The following RNF125 variants were observed in gnomAD, a reference collection of about 807,000 sequenced individuals.
RNF125 encodes the protein E3 ubiquitin-protein ligase RNF125.
A neutral mutation model predicts 26.0 loss-of-function variants in RNF125; 21 were observed. The observed-to-expected ratio is 0.81, with a 90% CI of 0.57 to 1.16. The LOEUF (loss-of-function observed/expected upper bound fraction) is 1.16, where lower values mean the gene tolerates loss of function less well. Ranked by LOEUF, RNF125 falls within the 50% of genes most tolerant of loss-of-function variation. The pLI is 0.00. For missense variants in RNF125, 270 were observed against 299.4 expected (o/e 0.90, Z 0.72); for synonymous variants, 95 against 109.2 (o/e 0.87, Z 0.81).
Position 32,055,457 on chromosome 18 carries a change from C to T in RNF125, c.504+9725C>T, listed in dbSNP as rs2039371373. 2.0e-5 allele frequency among the ~76,000 whole-genome samples: 3 copies of T among 152,242 alleles called. No homozygotes were observed. The South Asian group carries it at 6.2e-4, about 32-fold the overall frequency. ...GAGGTTTAATTGACTCACAGTTGCA[C>T]ATGGCTGGGGTGGCCTCAGGAATTA... On this transcript the variant is annotated intron_variant, in intron 4 of 5. Transcript: ENST00000217740.
At position 32,019,093 on chromosome 18, in the gene RNF125, A is replaced by G. The variant is rs1598804214; in HGVS notation, c.164+66A>G. ...AGGGCGATGTGGGGAAGCTGAGGGC[A>G]TGGTGTGGGGAAGGAGGGGGACGGA... On this transcript the variant is annotated intron_variant, in intron 1 of 5. Coordinates refer to ENST00000217740, the MANE Select transcript of RNF125 (RefSeq NM_017831.4). 16 of 1,571,438 alleles carry G rather than the reference A, an allele frequency of 1.0e-5. No homozygotes were observed. The East Asian group carries it at 2.3e-4, about 23-fold the overall frequency.
At chr18:32,025,047 G>C (rs538019164) in intron 1 of RNF125, among the ~76,000 whole-genome samples, 3 of 151,960 alleles carry the variant, frequency 2.0e-5, no homozygotes, top group African/African-American at 7.3e-5. Context: ...CTGGGTGACA[G>C]ATTGAGAGTC....
intron 4 of RNF125, 37 bp from the exon 5 acceptor site, chr18:32,065,865 A>C (rs1427199302): frequency 1.1e-5 from 16 of 1,415,388 alleles, no homozygotes; most frequent in Non-Finnish European, 1.4e-5. Context: ...AACGATTTTA[A>C]ATTCTTTCTT....
chr18:32,052,111 T>C (rs1462087215), intron 4 of RNF125, among the ~76,000 whole-genome samples: 1 of 152,166 alleles, frequency 6.6e-6, no homozygotes, highest in Non-Finnish European at 1.5e-5. Context: ...GCAGTTAATT[T>C]CCGTGAGTAC....
Position 32,069,702 on chromosome 18 carries a change from CTA to C in RNF125, c.*1322_*1323del, listed in dbSNP as rs1464965844. 3.3e-5 allele frequency: 5 copies of C among 152,106 alleles called. No individual in the cohort carries two copies. The highest frequency in any genetic ancestry group is 1.2e-4 in the African/African-American group (5 of 41,430). The allele number at this position is 152,106 out of a possible 1,614,324, so 9.4% of individuals were successfully genotyped here. A position where few individuals can be genotyped will look rare whatever the true frequency, so the allele number is the denominator to read the frequency against. On this transcript the variant is annotated 3_prime_UTR_variant, in exon 6 of 6. Coordinates refer to ENST00000217740, the MANE Select transcript of RNF125 (RefSeq NM_017831.4). ...TGCTGCCACACCTAAATGCATATAT[CTA>C]TATTTTAATATTATCAATTTAAAGT...
chr18:32,057,246 AT>A (rs2039394150), intron 4 of RNF125, among the ~76,000 whole-genome samples: 1 of 152,152 alleles, frequency 6.6e-6, no homozygotes, highest in Non-Finnish European at 1.5e-5. Context: ...ATTGAATGTT[AT>A]CCATACAGCA....
At position 32,071,356 on chromosome 18, in the gene RNF125, ACTC is replaced by A. The variant is rs2039532596; in HGVS notation, c.*2975_*2977del. ...GCCATGTTGGCCAGGCTGGTTTTGA[ACTC>A]CTGACCTCAAGTGATCCACCTGTGT... is the stretch of plus-strand genomic sequence containing the variant. On this transcript the variant is annotated 3_prime_UTR_variant, in exon 6 of 6. Transcript: ENST00000217740. The A allele has an allele frequency of 6.6e-6, 1 of 150,642 alleles. No individual in the cohort carries two copies. The highest frequency in any genetic ancestry group is 2.1e-4 in the South Asian group (1 of 4,776). The allele number at this position is 150,642 out of a possible 1,614,324, so 9.3% of individuals were successfully genotyped here.
the RNF125 span, among the ~76,000 whole-genome samples, chr18:32,086,975 G>A: frequency 1.3e-5 from 2 of 152,092 alleles, no homozygotes; most frequent in Non-Finnish European, 2.9e-5. Context: ...TCAAAGAAAA[G>A]TGCTTGCTGA....
chr18:32,061,164 A>G (rs1348671200), intron 4 of RNF125, among the ~76,000 whole-genome samples: 3 of 152,064 alleles, frequency 2.0e-5, no homozygotes, highest in Non-Finnish European at 4.4e-5. Context: ...AGCTGGGACT[A>G]CAGGCACCCG....
intron 4 of RNF125, among the ~76,000 whole-genome samples, chr18:32,061,313 C>T (rs1211479391): frequency 6.6e-6 from 1 of 152,176 alleles, no homozygotes. Flanking sequence ...CGTGAGCCCC[C>T]GTGCCTGGCC....
Position 32,049,413 on chromosome 18 carries a change from A to G in RNF125, c.504+3681A>G, listed in dbSNP as rs574633417. 2.6e-5 allele frequency among the ~76,000 whole-genome samples: 4 copies of G among 152,346 alleles called. No individual in the cohort carries two copies. The East Asian group carries it at 5.8e-4, about 22-fold the overall frequency. ...TTCACAAGTAGTAAATGAATCAGGC[A>G]TATAATAAAGTAAGCACTCTGTCTC... On this transcript the variant is annotated intron_variant, in intron 4 of 5. Transcript: ENST00000217740.
At chr18:32,090,702 T>C in the RNF125 span, among the ~76,000 whole-genome samples, 3 of 152,234 alleles carry the variant, frequency 2.0e-5, no homozygotes, top group Non-Finnish European at 4.4e-5. Flanking sequence ...TATGTAATAA[T>C]GTAAACAGGT....
chr18:32,032,319 C>T (rs539785504), intron 1 of RNF125, among the ~76,000 whole-genome samples: 1 of 151,622 alleles, frequency 6.6e-6, no homozygotes, highest in Admixed American at 6.6e-5. Context: ...CTCAAGCGAT[C>T]CACCTGCCTC....
At chr18:32,051,980 G>A (rs892403358) in intron 4 of RNF125, among the ~76,000 whole-genome samples, 47 of 151,622 alleles carry the variant, frequency 3.1e-4, no homozygotes, top group African/African-American at 9.2e-4. Context: ...GAGCCACCAC[G>A]TCCAGCCTGA....
At chr18:32,020,035 T>TGAGA (rs763767520) in intron 1 of RNF125, among the ~76,000 whole-genome samples, 1 of 142,056 alleles carries the variant, frequency 7.0e-6, no homozygotes, top group South Asian at 2.2e-4. Flanking sequence ...TGTGTGTGTT[T>TGAGA]GAGAGAGAGA....
At chr18:32,058,880 T>C (rs1228433671) in intron 4 of RNF125, among the ~76,000 whole-genome samples, 1 of 152,180 alleles carries the variant, frequency 6.6e-6, no homozygotes, top group Non-Finnish European at 1.5e-5. Context: ...CATGTGAAGT[T>C]TGTCTTTCTG....
chr18:32,020,912 A>G (rs1372943082), intron 1 of RNF125, among the ~76,000 whole-genome samples: 1 of 152,014 alleles, frequency 6.6e-6, no homozygotes, highest in African/African-American at 2.4e-5. Context: ...CAGTCTCAAA[A>G]AAAAGAAAGA....
chr18:32,029,817 G>C (rs973232754), intron 1 of RNF125, among the ~76,000 whole-genome samples: 1 of 152,104 alleles, frequency 6.6e-6, no homozygotes, highest in Non-Finnish European at 1.5e-5. Context: ...ACAGCAGTCT[G>C]ATAGGCAGAT....
At chr18:32,086,271 A>G in the RNF125 span, among the ~76,000 whole-genome samples, 1 of 141,346 alleles carries the variant, frequency 7.1e-6, no homozygotes. Context: ...CTTAGGTAGG[A>G]CTCCTGGGCT....
Sources: gnomAD v4.1 joint callset for allele counts (sites outside exome capture counted in the v4.1 genomes callset) on GRCh38, gnomAD v4.1.1 for gene constraint, MANE v1.5 for transcripts, NCBI Gene and HGNC (gene_info 2026-07-23, HGNC 2026-07-21) for gene names.